The following RABGAP1L variants were observed in gnomAD, a reference collection of about 807,000 sequenced individuals.
RABGAP1L encodes the protein rab GTPase-activating protein 1-like.
RABGAP1L carries 63 observed loss-of-function variants against 137.7 expected under a neutral mutation model. That is an observed-to-expected ratio of 0.46 (90% CI 0.37 to 0.56). The LOEUF (loss-of-function observed/expected upper bound fraction) is 0.56. Ranked by LOEUF, RABGAP1L falls within the 20% of genes least tolerant of loss-of-function variation. RABGAP1L has a pLI of 0.00. For synonymous variants in RABGAP1L, 431 were observed against 433.7 expected (o/e 0.99, Z 0.08); for missense variants, 1,095 against 1,244.0 (o/e 0.88, Z 1.80).
intron 2 of RABGAP1L, chr1:174,220,723 A>T: frequency 3.6e-6 from 1 of 274,268 alleles, no homozygotes; most frequent in Non-Finnish European, 6.7e-6. Context: ...ATCTTATATA[A>T]AATGTAGTTG....
intron 19 of RABGAP1L, among the ~76,000 whole-genome samples, chr1:174,834,555 C>G (rs771709809): frequency 1.1e-4 from 16 of 151,962 alleles, no homozygotes; most frequent in Non-Finnish European, 2.4e-4. Context: ...CCAGGACTCT[C>G]AAAGACTTCT....
chr1:174,749,813 A>G (rs1684196005), intron 17 of RABGAP1L, among the ~76,000 whole-genome samples: 1 of 152,224 alleles, frequency 6.6e-6, no homozygotes, highest in African/African-American at 2.4e-5. Flanking sequence ...CTCTATAGAA[A>G]GTAAATTTTC....
chr1:174,714,871 A>C (rs1039109373), intron 17 of RABGAP1L, among the ~76,000 whole-genome samples: 3 of 152,132 alleles, frequency 2.0e-5, no homozygotes, highest in Non-Finnish European at 4.4e-5. Context: ...TGTGTAATTT[A>C]AGACTAAAAT....
chr1:174,590,457 G>A (rs1474777278), intron 13 of RABGAP1L, among the ~76,000 whole-genome samples: 2 of 106,942 alleles, frequency 1.9e-5, no homozygotes, highest in African/African-American at 4.1e-5. Flanking sequence ...CCACTAACGT[G>A]TCATCTAGCA....
intron 18 of RABGAP1L, among the ~76,000 whole-genome samples, chr1:174,769,848 G>A (rs959214405): frequency 6.6e-6 from 1 of 151,660 alleles, no homozygotes; most frequent in Admixed American, 6.6e-5. Context: ...GCAAGACTCC[G>A]TCTCAAAAAA....
At chr1:174,912,185 G>A (rs550782346) in intron 19 of RABGAP1L, among the ~76,000 whole-genome samples, 1 of 152,262 alleles carries the variant, frequency 6.6e-6, no homozygotes, top group East Asian at 1.9e-4. Context: ...TGTCACCCAG[G>A]CTGGAGTGCA....
At chr1:174,362,380 T>C (rs1031410912) in intron 11 of RABGAP1L, among the ~76,000 whole-genome samples, 1 of 152,248 alleles carries the variant, frequency 6.6e-6, no homozygotes, top group Admixed American at 6.5e-5. Context: ...AAGGCAGAAC[T>C]AACTTACACT....
intron 18 of RABGAP1L, among the ~76,000 whole-genome samples, chr1:174,772,167 C>T (rs894505541): frequency 6.6e-6 from 1 of 151,606 alleles, no homozygotes; most frequent in Admixed American, 6.6e-5. Context: ...CACTGCACTA[C>T]AGCCTGGACG....
At chr1:174,373,843 C>T (rs1480465157) in intron 12 of RABGAP1L, among the ~76,000 whole-genome samples, 1 of 152,080 alleles carries the variant, frequency 6.6e-6, no homozygotes, top group Non-Finnish European at 1.5e-5. Flanking sequence ...GATTCTCAGC[C>T]CTTACATCTT....
chr1:174,184,565 A>T (rs1373067299), intron 1 of RABGAP1L, among the ~76,000 whole-genome samples: 1 of 152,152 alleles, frequency 6.6e-6, no homozygotes, highest in Non-Finnish European at 1.5e-5. Flanking sequence ...TCCAAAACGA[A>T]ATCTGTCAGC....
intron 13 of RABGAP1L, among the ~76,000 whole-genome samples, chr1:174,614,881 G>C (rs1671651591): frequency 6.6e-6 from 1 of 152,242 alleles, no homozygotes; most frequent in South Asian, 2.1e-4. Flanking sequence ...GGCTCCTGAG[G>C]CTTCTGCATT....
chr1:174,357,267 A>T lies in RABGAP1L; in HGVS notation c.1466-13712A>T, dbSNP rs146465629. Among the ~76,000 whole-genome samples, 36 of 152,336 alleles carry T rather than the reference A, an allele frequency of 2.4e-4. No individual in the cohort carries two copies. In the East Asian group the frequency reaches 6.9e-3, roughly 29 times the overall value. ...ACTTTCCCAAAGTCTCAGTCAAAAG[A>T]TAAAGTGTCCTCTTGATCAGTCACA... is the stretch of plus-strand genomic sequence containing the variant. On this transcript the variant is annotated intron_variant, in intron 11 of 25. Transcript: ENST00000681986.
chr1:174,878,933 T>G (rs1196266466), intron 19 of RABGAP1L, among the ~76,000 whole-genome samples: 2 of 111,696 alleles, frequency 1.8e-5, no homozygotes, highest in South Asian at 3.5e-4. Flanking sequence ...TTGTTTTTTT[T>G]TTTTTTTTTT....
intron 17 of RABGAP1L, among the ~76,000 whole-genome samples, chr1:174,723,016 C>G (rs993547692): frequency 2.0e-5 from 3 of 152,136 alleles, no homozygotes; most frequent in African/African-American, 7.2e-5. Context: ...TGGAGTGATT[C>G]AATACAAATA....
At position 174,990,001 on chromosome 1, in the gene RABGAP1L, G is replaced by A. The variant is rs1671953936; in HGVS notation, c.3156G>A (p.Ter1052=). 3 of 1,539,084 alleles carry A rather than the reference G, an allele frequency of 1.9e-6. No individual in the cohort carries two copies. The highest frequency in any genetic ancestry group is 2.6e-6 in the Non-Finnish European group (3 of 1,136,552). The part of the protein sequence containing the change: ...PVTQPPKEST[*] ...CCCAGCCACCCAAGGAGAGCACATA[G>A]TTCCAGCCTTACCCAAGCACAAGAG... The change falls in exon 26 of 26, where the codon TAG becomes TAA. Residue 1052 remains the stop codon, a stop_retained_variant. Transcript: ENST00000681986.
intron 13 of RABGAP1L, among the ~76,000 whole-genome samples, chr1:174,628,262 G>A (rs1673068368): frequency 1.3e-5 from 2 of 152,128 alleles, no homozygotes; most frequent in Non-Finnish European, 2.9e-5. Flanking sequence ...GAGTGTGTGT[G>A]CATTAATCCA....
At chr1:174,989,730 T>C in intron 25 of RABGAP1L, 119 bp from the exon 26 acceptor site, 1 of 1,101,888 alleles carries the variant, frequency 9.1e-7, no homozygotes, top group Non-Finnish European at 1.3e-6. Flanking sequence ...CTCCTGGGTT[T>C]TGTGGGAGGA....
chr1:174,555,798 A>G (rs959715312), intron 13 of RABGAP1L, among the ~76,000 whole-genome samples: 1 of 152,106 alleles, frequency 6.6e-6, no homozygotes, highest in Non-Finnish European at 1.5e-5. Flanking sequence ...ACCGAGAGTG[A>G]AATTATAGGA....
At chr1:174,683,483 A>T (rs766434814) in intron 14 of RABGAP1L, 39 bp from the exon 15 acceptor site, 22 of 1,489,158 alleles carry the variant, frequency 1.5e-5, no homozygotes, top group Non-Finnish European at 2.0e-5. Flanking sequence ...AAAATCTGTG[A>T]CTATTTACGA....
Sources: gnomAD v4.1 joint callset for allele counts (sites outside exome capture counted in the v4.1 genomes callset) on GRCh38, gnomAD v4.1.1 for gene constraint, MANE v1.5 for transcripts, NCBI Gene and HGNC (gene_info 2026-07-23, HGNC 2026-07-21) for gene names.